CNBD1: variants seen among roughly 807,000 people sequenced by gnomAD.
CNBD1 encodes cyclic nucleotide binding domain containing 1.
CNBD1 carries 71 observed loss-of-function variants against 54.4 expected under a neutral mutation model. The observed-to-expected ratio is 1.30, with a 90% CI of 1.08 to 1.59. The LOEUF (loss-of-function observed/expected upper bound fraction) is 1.59. Among genes scored for constraint, CNBD1 ranks in the 40% most tolerant of loss-of-function variants. CNBD1 has a pLI of 0.00. For missense variants in CNBD1, 659 were observed against 518.0 expected (o/e 1.27, Z -2.64); for synonymous variants, 182 against 170.7 (o/e 1.07, Z -0.51).
At chr8:87,351,587 G>A in intron 8 of CNBD1, 98 bp from the exon 9 acceptor site, 2 of 1,118,454 alleles carry the variant, frequency 1.8e-6, no homozygotes, top group Non-Finnish European at 2.4e-6. Flanking sequence ...ACTATTAATA[G>A]TTATTGAATT....
At chr8:87,007,255 C>T (rs1809122775) in intron 4 of CNBD1, among the ~76,000 whole-genome samples, 1 of 151,820 alleles carries the variant, frequency 6.6e-6, no homozygotes, top group South Asian at 2.1e-4. Flanking sequence ...GTATTTTCCC[C>T]ATTTATTTTC....
At chr8:86,985,970 GC>G (rs1808597303) in intron 4 of CNBD1, among the ~76,000 whole-genome samples, 2 of 151,856 alleles carry the variant, frequency 1.3e-5, no homozygotes, top group Admixed American at 6.6e-5. Flanking sequence ...TTGCTATGTT[GC>G]CCAGGCTGGA....
intron 2 of CNBD1, among the ~76,000 whole-genome samples, chr8:86,890,050 A>T (rs1808745062): frequency 6.6e-6 from 1 of 152,138 alleles, no homozygotes; most frequent in Non-Finnish European, 1.5e-5. Context: ...ATGTGGAATA[A>T]TTAAATCAAT....
At chr8:87,055,769 A>C (rs1276780994) in intron 4 of CNBD1, among the ~76,000 whole-genome samples, 1 of 135,696 alleles carries the variant, frequency 7.4e-6, no homozygotes, top group Non-Finnish European at 1.6e-5. Context: ...CTTCTACCCC[A>C]CCTTTCTCTT....
intron 8 of CNBD1, among the ~76,000 whole-genome samples, chr8:87,312,327 A>T (rs985849093): frequency 3.9e-5 from 6 of 152,070 alleles, no homozygotes; most frequent in African/African-American, 1.2e-4. Context: ...ATATGCACAC[A>T]TTCTCTATTC....
intron 5 of CNBD1, among the ~76,000 whole-genome samples, chr8:87,228,382 T>TTTGATAA (rs1814563958): frequency 6.7e-6 from 1 of 149,034 alleles, no homozygotes. Flanking sequence ...TTATCTACTT[T>TTTGATAA]TGGTCTTTGA....
intron 4 of CNBD1, among the ~76,000 whole-genome samples, chr8:86,972,420 C>T (rs1235280065): frequency 6.6e-6 from 1 of 152,016 alleles, no homozygotes; most frequent in Non-Finnish European, 1.5e-5. Context: ...GTCAAAAAGT[C>T]TTGAGTTGAA....
chr8:87,184,626 T>A (rs968746665), intron 4 of CNBD1, among the ~76,000 whole-genome samples: 3 of 152,138 alleles, frequency 2.0e-5, no homozygotes, highest in African/African-American at 7.2e-5. Context: ...AGTGGGCTGC[T>A]CCATGCTTAT....
At chr8:87,424,730 C>A (rs1808014272) in intron 2 of CNBD1, among the ~76,000 whole-genome samples, 1 of 152,174 alleles carries the variant, frequency 6.6e-6, no homozygotes, top group African/African-American at 2.4e-5. Flanking sequence ...GGAACCTGAC[C>A]TTTCTCTCTG....
chr8:87,125,200 ATGTC>A (rs950510144), intron 4 of CNBD1, among the ~76,000 whole-genome samples: 1 of 151,786 alleles, frequency 6.6e-6, no homozygotes, highest in African/African-American at 2.4e-5. Context: ...TATTGTGAAA[ATGTC>A]TGTACTACCC....
At chr8:87,378,067 G>A (rs1287935699) in intron 10 of CNBD1, among the ~76,000 whole-genome samples, 1 of 142,712 alleles carries the variant, frequency 7.0e-6, no homozygotes, top group Non-Finnish European at 1.5e-5. Flanking sequence ...TTTGTCAGAT[G>A]AGTAGGTTGC....
chr8:87,053,187 G>A (rs1810346791), intron 4 of CNBD1, among the ~76,000 whole-genome samples: 1 of 152,192 alleles, frequency 6.6e-6, no homozygotes, highest in African/African-American at 2.4e-5. Context: ...TTTGGGTTGT[G>A]TCGCAGGACA....
chr8:87,379,446 CCA>C (rs1319021904), intron 10 of CNBD1, among the ~76,000 whole-genome samples: 1 of 151,792 alleles, frequency 6.6e-6, no homozygotes, highest in Non-Finnish European at 1.5e-5. Flanking sequence ...CAGCACCACA[CCA>C]CACCTATTCC....
At chr8:87,263,203 T>C (rs1341516994) in intron 6 of CNBD1, among the ~76,000 whole-genome samples, 1 of 152,212 alleles carries the variant, frequency 6.6e-6, no homozygotes, top group African/African-American at 2.4e-5. Flanking sequence ...TTAGTGTCCT[T>C]GTCAACTATG....
chr8:86,905,507 T>C (rs1809004213), intron 3 of CNBD1, among the ~76,000 whole-genome samples: 1 of 152,192 alleles, frequency 6.6e-6, no homozygotes, highest in Non-Finnish European at 1.5e-5. Context: ...CATGAGAAAC[T>C]TCCCAATGGA....
At chr8:87,035,632 A>G (rs1809917013) in intron 4 of CNBD1, among the ~76,000 whole-genome samples, 3 of 152,278 alleles carry the variant, frequency 2.0e-5, no homozygotes, top group Admixed American at 6.5e-5. Flanking sequence ...CTGTGTTTCT[A>G]AATAAAATAC....
intron 10 of CNBD1, among the ~76,000 whole-genome samples, 163 bp from the exon 11 acceptor site, chr8:87,382,457 T>G (rs1299360716): frequency 2.6e-5 from 4 of 152,054 alleles, no homozygotes; most frequent in Non-Finnish European, 1.5e-5. Context: ...TGTAAAGTGT[T>G]ACATTATTTC....
intron 4 of CNBD1, among the ~76,000 whole-genome samples, chr8:87,122,111 G>A (rs1811902788): frequency 6.6e-6 from 1 of 151,572 alleles, no homozygotes; most frequent in Admixed American, 6.6e-5. Flanking sequence ...TCATATGGTA[G>A]TTCTATTTTT....
rs576732705 is a variant in CNBD1, at chr8:87,091,797, A to T, written c.432-114196A>T. ...AAGGAGGTAGAGCAATTTTACATAA[A>T]TTTTTTTTTGCATTAAAGGTGGCAT... On this transcript the variant is annotated intron_variant, in intron 4 of 10. Transcript: ENST00000518476. 5.8e-3 allele frequency among the ~76,000 whole-genome samples: 876 copies of T among 151,286 alleles called. 11 individuals are homozygous for T. Among genetic ancestry groups the T allele is most frequent in the African/African-American group, 0.017 (708 of 41,250 alleles).
Sources: allele counts gnomAD v4.1 joint callset (sites outside exome capture counted in the v4.1 genomes callset), GRCh38; gene constraint gnomAD v4.1.1; transcripts MANE v1.5; gene names NCBI Gene and HGNC (gene_info 2026-07-23, HGNC 2026-07-21).